EML4: variants seen among roughly 807,000 people sequenced by gnomAD.
The protein encoded by EML4 is EMAP like 4, also known as echinoderm microtubule-associated protein-like 4.
Under a neutral mutation model 129.0 loss-of-function variants are expected in EML4, and 72 were observed. That is an observed-to-expected ratio of 0.56 (90% CI 0.46 to 0.68). EML4 has a LOEUF of 0.68. EML4 is among the 30% of genes least tolerant of loss of function. The probability of loss-of-function intolerance (pLI) is 0.00; values close to 1 mark genes in which losing one functional copy is unlikely to be tolerated. For synonymous variants in EML4, 532 were observed against 405.0 expected (o/e 1.31, Z -3.77); for missense variants, 1,363 against 1,190.6 (o/e 1.14, Z -2.13).
At chr2:42,229,705 TA>T (rs554553114) in intron 1 of EML4, among the ~76,000 whole-genome samples, 215 of 152,172 alleles carry the variant, frequency 1.4e-3, no homozygotes, top group African/African-American at 5.0e-3. Flanking sequence ...CATTTGCTTA[TA>T]AAAAATAGTA....
At chr2:42,251,850 A>G (rs972015861) in intron 2 of EML4, among the ~76,000 whole-genome samples, 2 of 152,140 alleles carry the variant, frequency 1.3e-5, no homozygotes, top group Non-Finnish European at 1.5e-5. Context: ...ATTATTTTAA[A>G]TTTTTGTTTG....
intron 6 of EML4, among the ~76,000 whole-genome samples, chr2:42,271,831 A>G (rs912526753): frequency 6.6e-6 from 1 of 152,190 alleles, no homozygotes; most frequent in South Asian, 2.1e-4. Flanking sequence ...GGCCGGGCAC[A>G]GTGGCTCATG....
In EML4 at chr2:42,315,914, T is replaced by C. The variant is rs553721094; in HGVS notation, c.1968-48T>C. 13 of 1,380,162 alleles carry C rather than the reference T, an allele frequency of 9.4e-6. No homozygotes were observed. The African/African-American group carries it at 1.7e-4, about 19-fold the overall frequency. The allele number at this position is 1,380,162 out of a possible 1,614,324, so 85.5% of individuals were successfully genotyped here. ...AAGAAAAAGAACAACTTTTTTTTTC[T>C]ATAAATGCTAATATCTGAAGAAAAT... On this transcript the variant is annotated intron_variant, in intron 17 of 22. Coordinates refer to ENST00000318522, the MANE Select transcript of EML4 (RefSeq NM_019063.5).
At chr2:42,262,047 A>G (rs1392399089) in intron 4 of EML4, among the ~76,000 whole-genome samples, 2 of 152,050 alleles carry the variant, frequency 1.3e-5, no homozygotes, top group Non-Finnish European at 2.9e-5. Context: ...AAGCCTTGTG[A>G]TTAGGAATAG....
chr2:42,231,829 G>C (rs911639588), intron 1 of EML4, among the ~76,000 whole-genome samples: 2 of 152,138 alleles, frequency 1.3e-5, no homozygotes, highest in African/African-American at 4.8e-5. Context: ...GGCACCTTTA[G>C]TCCCAGCTAC....
chr2:42,196,935 C>G (rs1201732657), intron 1 of EML4, among the ~76,000 whole-genome samples: 1 of 152,120 alleles, frequency 6.6e-6, no homozygotes, highest in Non-Finnish European at 1.5e-5. Flanking sequence ...AGAGTGCCCC[C>G]TACTTTGAAA....
chr2:42,277,768 C>T (rs1345983408), intron 6 of EML4, among the ~76,000 whole-genome samples: 5 of 152,068 alleles, frequency 3.3e-5, no homozygotes, highest in Non-Finnish European at 7.4e-5. Flanking sequence ...GGGGTTTCAC[C>T]GTGTTGGCCA....
chr2:42,201,010 A>G (rs899087491), intron 1 of EML4, among the ~76,000 whole-genome samples: 4 of 152,328 alleles, frequency 2.6e-5, no homozygotes, highest in Non-Finnish European at 4.4e-5. Flanking sequence ...ATTGTTGTCT[A>G]TAGCAGTAAT....
chr2:42,279,992 A>G (rs891617682), intron 6 of EML4, among the ~76,000 whole-genome samples: 1 of 152,110 alleles, frequency 6.6e-6, no homozygotes, highest in Non-Finnish European at 1.5e-5. Context: ...AGTTCCTTAT[A>G]TATTTTTGAG....
chr2:42,198,682 G>A (rs2103946776), intron 1 of EML4, among the ~76,000 whole-genome samples: 1 of 152,282 alleles, frequency 6.6e-6, no homozygotes, highest in East Asian at 1.9e-4. Flanking sequence ...AGGTGGAGGT[G>A]GTGGAATTGA....
chr2:42,277,162 A>G (rs951487415), intron 6 of EML4, among the ~76,000 whole-genome samples: 1 of 152,194 alleles, frequency 6.6e-6, no homozygotes, highest in Admixed American at 6.5e-5. Context: ...TTCAGAAAGT[A>G]TTTATGATGT....
chr2:42,281,943 C>A (rs1192950887), intron 7 of EML4, among the ~76,000 whole-genome samples: 1 of 152,166 alleles, frequency 6.6e-6, no homozygotes, highest in African/African-American at 2.4e-5. Context: ...GACACACTCA[C>A]CAATCCTTTC....
At chr2:42,262,723 C>T (rs764327503) in intron 4 of EML4, among the ~76,000 whole-genome samples, 4 of 152,020 alleles carry the variant, frequency 2.6e-5, no homozygotes, top group Non-Finnish European at 5.9e-5. Flanking sequence ...AAGATATAAA[C>T]AAGAGTTTAT....
intron 1 of EML4, among the ~76,000 whole-genome samples, chr2:42,221,101 G>T (rs1393418466): frequency 6.6e-6 from 1 of 152,158 alleles, no homozygotes; most frequent in Non-Finnish European, 1.5e-5. Flanking sequence ...ATTTAGCTAA[G>T]ATCATTGATG....
At chr2:42,170,151 A>G (rs1384043910) in intron 1 of EML4, 5 of 152,984 alleles carry the variant, frequency 3.3e-5, no homozygotes, top group African/African-American at 9.6e-5. Context: ...CCCGCCCCCA[A>G]GTCTTCACTT....
intron 2 of EML4, among the ~76,000 whole-genome samples, chr2:42,246,108 C>T (rs768913112): frequency 3.3e-5 from 5 of 152,140 alleles, no homozygotes; most frequent in Non-Finnish European, 5.9e-5. Context: ...TCTGAACCCT[C>T]TGTGGTTGTT....
intron 6 of EML4, chr2:42,265,099 T>C: frequency 3.5e-6 from 2 of 574,324 alleles, no homozygotes; most frequent in Non-Finnish European, 5.6e-6. Flanking sequence ...TACATTTTAC[T>C]TTTTTTTTTG....
intron 11 of EML4, among the ~76,000 whole-genome samples, chr2:42,293,916 T>C (rs2103671955): frequency 6.6e-6 from 1 of 152,264 alleles, no homozygotes; most frequent in South Asian, 2.1e-4. Context: ...GCCCATGTTG[T>C]TTTGCCAAAA....
At chr2:42,306,158 G>C (rs1180942322) in intron 17 of EML4, among the ~76,000 whole-genome samples, 1 of 152,190 alleles carries the variant, frequency 6.6e-6, no homozygotes, top group Non-Finnish European at 1.5e-5. Flanking sequence ...AAACACGTAA[G>C]TAATAGATCA....
Sources: allele counts gnomAD v4.1 joint callset (sites outside exome capture counted in the v4.1 genomes callset), GRCh38; gene constraint gnomAD v4.1.1; transcripts MANE v1.5; gene names NCBI Gene and HGNC (gene_info 2026-07-23, HGNC 2026-07-21).